Variants in GLCE observed in about 807,000 individuals in gnomAD.
GLCE encodes glucuronic acid epimerase, also known as D-glucuronyl C5-epimerase.
A neutral mutation model predicts 47.9 loss-of-function variants in GLCE; 19 were observed. That is an observed-to-expected ratio of 0.40 (90% CI 0.28 to 0.58). The LOEUF is 0.58. Among genes scored for constraint, GLCE ranks in the 20% least tolerant of loss-of-function variants. The pLI is 0.48. For missense variants in GLCE, 556 were observed against 743.3 expected (o/e 0.75, Z 2.93); for synonymous variants, 245 against 263.4 (o/e 0.93, Z 0.68).
intron 1 of GLCE, among the ~76,000 whole-genome samples, chr15:69,198,444 G>A (rs1246445788): frequency 6.6e-6 from 1 of 152,144 alleles, no homozygotes; most frequent in Non-Finnish European, 1.5e-5. Context: ...TGTGTTGACA[G>A]GGCCTGAAGT....
chr15:69,232,438 A>G (rs1041063499), intron 2 of GLCE, among the ~76,000 whole-genome samples: 7 of 143,486 alleles, frequency 4.9e-5, no homozygotes, highest in Non-Finnish European at 1.1e-4. Flanking sequence ...TGGGATTGAT[A>G]TGACTACATG....
chr15:69,220,473 A>G (rs2052364247), intron 2 of GLCE, among the ~76,000 whole-genome samples: 2 of 152,040 alleles, frequency 1.3e-5, no homozygotes, highest in South Asian at 2.1e-4. Context: ...CTGTTTTTTG[A>G]TAATGGGTAT....
chr15:69,191,347 G>A (rs1042106666), intron 1 of GLCE, among the ~76,000 whole-genome samples: 1 of 152,094 alleles, frequency 6.6e-6, no homozygotes, highest in African/African-American at 2.4e-5. Context: ...CCGGTTTGGT[G>A]GTTGGCTAGG....
At chr15:69,247,509 G>A (rs2052769682) in intron 2 of GLCE, among the ~76,000 whole-genome samples, 1 of 152,158 alleles carries the variant, frequency 6.6e-6, no homozygotes, top group African/African-American at 2.4e-5. Flanking sequence ...TCATTCATGT[G>A]TTCACTGGAA....
At chr15:69,170,650 T>G (rs2051575700) in intron 1 of GLCE, among the ~76,000 whole-genome samples, 1 of 152,192 alleles carries the variant, frequency 6.6e-6, no homozygotes, top group Non-Finnish European at 1.5e-5. Context: ...ACTTTCTGGT[T>G]TAGATGTGTT....
At chr15:69,210,767 T>TG (rs916522290) in intron 2 of GLCE, among the ~76,000 whole-genome samples, 1 of 152,146 alleles carries the variant, frequency 6.6e-6, no homozygotes, top group Non-Finnish European at 1.5e-5. Flanking sequence ...CTATGGCCTA[T>TG]GGGCCAGCCA....
At chr15:69,243,888 C>T (rs2140422492) in intron 2 of GLCE, among the ~76,000 whole-genome samples, 1 of 152,312 alleles carries the variant, frequency 6.6e-6, no homozygotes, top group African/African-American at 2.4e-5. Context: ...CATCCTCCCA[C>T]CTTGGTTTCC....
chr15:69,184,221 T>C (rs776116018), intron 1 of GLCE, among the ~76,000 whole-genome samples: 4 of 152,226 alleles, frequency 2.6e-5, no homozygotes, highest in Admixed American at 6.5e-5. Flanking sequence ...CCTGAACCAT[T>C]AATAATGATT....
At position 69,261,174 on chromosome 15, in the gene GLCE, A is replaced by G. The variant is rs1469594900; in HGVS notation, c.674A>G (p.Asn225Ser). 1.2e-6 allele frequency: 2 copies of G among 1,614,058 alleles called. No homozygotes were observed. The highest frequency in any genetic ancestry group is 2.7e-5 in the African/African-American group (2 of 75,052). ...TATGGATTAAGTCATTACAGCAAGA[A>G]TCTAACTGAGAAACCTCCTCACATA... ...AQYGLSHYSK[N>S]LTEKPPHIEV... is the part of the protein sequence containing the mutation. The change falls in exon 4 of 5, where the codon AAT becomes AGT. Residue 225 changes from asparagine (N) to serine (S), a missense_variant. Physicochemically the swap from Asn to Ser is conservative, Grantham distance 46. Around this residue, in one of 3 missense-constraint regions of GLCE, gnomAD observed 237 missense variants for 310.9 expected, o/e 0.76. Transcript: ENST00000261858.
chr15:69,182,132 G>A (rs916920904), intron 1 of GLCE, among the ~76,000 whole-genome samples: 1 of 151,938 alleles, frequency 6.6e-6, no homozygotes, highest in African/African-American at 2.4e-5. Context: ...GCAAAAAGTT[G>A]AAATAGTTAT....
At chr15:69,174,597 T>G (rs1349954109) in intron 1 of GLCE, among the ~76,000 whole-genome samples, 1 of 151,638 alleles carries the variant, frequency 6.6e-6, no homozygotes, top group African/African-American at 2.4e-5. Flanking sequence ...GCGACAAGAG[T>G]GAAACTATGT....
At chr15:69,194,374 G>A (rs2051955801) in intron 1 of GLCE, 1 of 152,026 alleles carries the variant, frequency 6.6e-6, no homozygotes. Context: ...ACCCACTTTT[G>A]GATTGCCTTA....
At chr15:69,178,048 T>G (rs775802947) in intron 1 of GLCE, among the ~76,000 whole-genome samples, 14 of 152,242 alleles carry the variant, frequency 9.2e-5, no homozygotes, top group Non-Finnish European at 1.9e-4. Context: ...CAAATAAAGC[T>G]GTTACGAATA....
chr15:69,201,994 A>C (rs2052081848), intron 1 of GLCE, among the ~76,000 whole-genome samples: 1 of 152,026 alleles, frequency 6.6e-6, no homozygotes, highest in Non-Finnish European at 1.5e-5. Flanking sequence ...GCACAGGCTC[A>C]CTGTAGCCTT....
chr15:69,207,042 G>A (rs1282311730), intron 1 of GLCE, among the ~76,000 whole-genome samples: 1 of 152,010 alleles, frequency 6.6e-6, no homozygotes, highest in Non-Finnish European at 1.5e-5. Flanking sequence ...TTGCTTATCT[G>A]TAACTTTCCT....
chr15:69,192,048 T>C lies in GLCE; in HGVS notation c.-104-18268T>C, dbSNP rs77307191. Among the ~76,000 whole-genome samples the C allele has an allele frequency of 2.2e-3, 330 of 152,288 alleles. 1 individual carries two copies. The highest frequency in any genetic ancestry group is 5.8e-3 in the African/African-American group (241 of 41,576). ...TCAGCAATGTATGTGTGAATGTGTG[T>C]TTGTGTTTATCCTGCTAGATATTGC... is the stretch of plus-strand genomic sequence containing the variant. On this transcript the variant is annotated intron_variant, in intron 1 of 4. Transcript: ENST00000261858.
chr15:69,166,765 CA>C (rs367877202), intron 1 of GLCE, among the ~76,000 whole-genome samples: 18,296 of 151,444 alleles, frequency 0.12, 1,112 homozygotes, highest in East Asian at 0.16. Context: ...ACTAAAAATA[CA>C]AAAATTAGCC....
chr15:69,247,948 A>T (rs1406091478), intron 2 of GLCE, among the ~76,000 whole-genome samples: 2 of 152,218 alleles, frequency 1.3e-5, no homozygotes, highest in Non-Finnish European at 2.9e-5. Flanking sequence ...AGATATAATT[A>T]TGAGAAAATA....
chr15:69,243,633 A>G (rs890773628), intron 2 of GLCE, among the ~76,000 whole-genome samples: 4 of 151,610 alleles, frequency 2.6e-5, no homozygotes, highest in Admixed American at 1.3e-4. Context: ...CTTTGCTGTC[A>G]CTGGTGATTT....
Sources: gnomAD v4.1 joint callset for allele counts (sites outside exome capture counted in the v4.1 genomes callset) on GRCh38, gnomAD v4.1.1 for gene constraint, gnomAD v4.1.1 regional missense constraint, MANE v1.5 for transcripts, NCBI Gene and HGNC (gene_info 2026-07-23, HGNC 2026-07-21) for gene names.